The following PCDHA8 variants were observed in gnomAD, a reference collection of about 807,000 sequenced individuals.
PCDHA8 encodes the protein protocadherin alpha-8.
Under a neutral mutation model 61.8 loss-of-function variants are expected in PCDHA8, and 53 were observed. The observed-to-expected ratio is 0.86, with a 90% CI of 0.69 to 1.08. PCDHA8 has a LOEUF of 1.08. Among genes scored for constraint, PCDHA8 ranks in the 50% least tolerant of loss-of-function variants. PCDHA8 has a pLI of 0.00. For missense variants in PCDHA8, 1,293 were observed against 1,245.0 expected, an observed-to-expected ratio of 1.04 and a Z score of -0.58; for synonymous variants, 618 against 556.6, an observed-to-expected ratio of 1.11 and a Z score of -1.55.
At chr5:140,844,736 G>C (rs1001272539) in intron 1 of PCDHA8, among the ~76,000 whole-genome samples, 3 of 149,298 alleles carry the variant, frequency 2.0e-5, no homozygotes, top group Non-Finnish European at 4.5e-5. Context: ...AAAATATTTA[G>C]TATTATGGGA....
intron 1 of PCDHA8, chr5:140,926,672 C>T (rs2083457109): frequency 1.7e-6 from 1 of 583,596 alleles, no homozygotes; most frequent in Admixed American, 3.9e-5. Flanking sequence ...GACGGCTGCC[C>T]AGCCTCCAGC....
In PCDHA8 at chr5:140,869,280, G is replaced by A. The variant is rs1294171258; in HGVS notation, c.2394+25565G>A. 8 of 1,613,486 alleles carry A rather than the reference G, an allele frequency of 5.0e-6. No individual in the cohort carries two copies. In the African/African-American group the frequency reaches 8.0e-5, roughly 16 times the overall value. On this transcript the variant is annotated intron_variant, in intron 1 of 3. Transcript: ENST00000531613. ...ACCTGGGGCTGGAGCTGGCGGAGCT[G>A]GTGCAGCGCCTGTTCCGGGTGGCGT...
At chr5:140,883,758 G>C (rs781858673) in intron 1 of PCDHA8, 4 of 1,612,920 alleles carry the variant, frequency 2.5e-6, no homozygotes, top group Non-Finnish European at 3.4e-6. Context: ...CTGGTGGAGC[G>C]GCGGGTGGGC....
intron 1 of PCDHA8, among the ~76,000 whole-genome samples, chr5:140,973,346 T>C (rs1554235179): frequency 1.3e-5 from 2 of 152,198 alleles, no homozygotes; most frequent in Non-Finnish European, 2.9e-5. Flanking sequence ...AGTGACATAG[T>C]AGTGAATTTA....
chr5:140,967,111 T>G, intron 1 of PCDHA8: 1 of 1,612,990 alleles, frequency 6.2e-7, no homozygotes, highest in East Asian at 2.2e-5. Context: ...AGCAGCGGCC[T>G]CGCTGCCTGC....
At position 140,850,172 on chromosome 5, in the gene PCDHA8, C is replaced by G. The variant is rs756590916; in HGVS notation, c.2394+6457C>G. 10 of 1,594,266 alleles carry G rather than the reference C, an allele frequency of 6.3e-6. 1 individual carries two copies. The highest frequency in any genetic ancestry group is 1.3e-5 in the African/African-American group (1 of 74,338). On this transcript the variant is annotated intron_variant, in intron 1 of 3. Coordinates refer to ENST00000531613, the MANE Select transcript of PCDHA8 (RefSeq NM_018911.3). ...TGCAGGTGTTCGTGCTGGACGAGAA[C>G]GACAATGCGCCGGCGCTGCTGACAC... is the stretch of plus-strand genomic sequence containing the variant.
chr5:140,869,502 C>G (rs2051182557), intron 1 of PCDHA8: 1 of 1,614,090 alleles, frequency 6.2e-7, no homozygotes, highest in African/African-American at 1.3e-5. Context: ...CGCCGGTGTT[C>G]TCGCTCAGAG....
rs1554181708 is a variant in PCDHA8, at chr5:140,884,544, G to C, written c.2394+40829G>C. 1.9e-6 allele frequency: 3 copies of C among 1,614,222 alleles called. No individual in the cohort carries two copies. In the Admixed American group the frequency reaches 5.0e-5, roughly 27 times the overall value. On this transcript the variant is annotated intron_variant, in intron 1 of 3. Coordinates refer to ENST00000531613, the MANE Select transcript of PCDHA8 (RefSeq NM_018911.3). Reference sequence around the variant, plus strand: ...TCGCAGCAGAGGCGGCCGAGGGTGTGCTCTGGGGAGGGCCCGCATAAGACG... The same window carrying C: ...TCGCAGCAGAGGCGGCCGAGGGTGTCCTCTGGGGAGGGCCCGCATAAGACG...
intron 1 of PCDHA8, chr5:140,926,752 C>T (rs1176032200): frequency 8.0e-7 from 1 of 1,254,344 alleles, no homozygotes; most frequent in Admixed American, 3.6e-5. Context: ...CGTCGGCGGT[C>T]GCTGAGTATC....
chr5:140,906,661 A>C (rs1237437986), intron 1 of PCDHA8, among the ~76,000 whole-genome samples: 1 of 152,176 alleles, frequency 6.6e-6, no homozygotes, highest in African/African-American at 2.4e-5. Flanking sequence ...TTCCTGGTGT[A>C]GTGACCCAAA....
chr5:140,857,788 G>GCTGC, intron 1 of PCDHA8: 1 of 1,597,732 alleles, frequency 6.3e-7, no homozygotes, highest in South Asian at 1.1e-5. Flanking sequence ...GTGAGCTGGT[G>GCTGC]CTGCGGTCGG....
chr5:140,984,982 G>A lies in PCDHA8; in HGVS notation c.2542+2419G>A, dbSNP rs544151858. On this transcript the variant is annotated intron_variant, in intron 3 of 3. Coordinates refer to ENST00000531613, the MANE Select transcript of PCDHA8 (RefSeq NM_018911.3). ...AGACAGAGTCTCGCTCTGTCCCCCA[G>A]GCTGGAGTCCAGTGGCACGATATCG... Among the ~76,000 whole-genome samples the A allele has an allele frequency of 1.1e-3, 174 of 152,116 alleles. 2 individuals are homozygous for A. In the South Asian group the frequency reaches 0.016, roughly 14 times the overall value.
At chr5:140,968,529 C>T in intron 1 of PCDHA8, 1 of 1,614,206 alleles carries the variant, frequency 6.2e-7, no homozygotes, top group Non-Finnish European at 8.5e-7. Flanking sequence ...ACCAACTCGT[C>T]AGCAGCCTTC....
At chr5:140,927,494 T>C (rs1235909927) in intron 1 of PCDHA8, 5 of 1,614,018 alleles carry the variant, frequency 3.1e-6, no homozygotes, top group Non-Finnish European at 4.2e-6. Context: ...ACCCACCTGC[T>C]GGTGCTTACA....
Position 140,943,173 on chromosome 5 carries a change from G to A in PCDHA8, c.2395-35776G>A, listed in dbSNP as rs143950290. On this transcript the variant is annotated intron_variant, in intron 1 of 3. Coordinates refer to ENST00000531613, the MANE Select transcript of PCDHA8 (RefSeq NM_018911.3). ...CTCTGGAGGCTGAGGCAGGAAAATC[G>A]CTTGAACCCTGGAGGTGGAGGCTGC... is the stretch of plus-strand genomic sequence containing the variant. Among the ~76,000 whole-genome samples the A allele has an allele frequency of 5.6e-3, 834 of 148,712 alleles. 7 individuals are homozygous for A. Among genetic ancestry groups the A allele is most frequent in the African/African-American group, 0.019 (751 of 40,052 alleles).
intron 1 of PCDHA8, chr5:140,857,965 T>C: frequency 6.3e-7 from 1 of 1,597,084 alleles, no homozygotes; most frequent in Non-Finnish European, 8.6e-7. Context: ...TGGATGAGAC[T>C]GACTCGCCAC....
chr5:140,874,685 T>C (rs1212570606), intron 1 of PCDHA8, among the ~76,000 whole-genome samples: 1 of 152,234 alleles, frequency 6.6e-6, no homozygotes, highest in Non-Finnish European at 1.5e-5. Flanking sequence ...AGATTTGTTT[T>C]AACATGTTAT....
At chr5:140,900,498 A>G (rs1554189212) in intron 1 of PCDHA8, among the ~76,000 whole-genome samples, 1 of 152,172 alleles carries the variant, frequency 6.6e-6, no homozygotes, top group Non-Finnish European at 1.5e-5. Context: ...ACTGGTCTCA[A>G]ATTCCCAGCC....
At position 140,849,456 on chromosome 5, in the gene PCDHA8, G is replaced by A. The variant is rs148680565; in HGVS notation, c.2394+5741G>A. On this transcript the variant is annotated intron_variant, in intron 1 of 3. Transcript: ENST00000531613. ...AAGTAGAGCACACAAGATCCCAGTC[G>A]AGGCTGTCGATAAAGGCTTCCCACC... The A allele has an allele frequency of 1.5e-5, 24 of 1,587,206 alleles. 3 individuals carry two copies. Among genetic ancestry groups the A allele is most frequent in the Non-Finnish European group, 1.8e-5 (21 of 1,161,294 alleles).
Sources: allele counts gnomAD v4.1 joint callset (sites outside exome capture counted in the v4.1 genomes callset), GRCh38; gene constraint gnomAD v4.1.1; transcripts MANE v1.5; gene names NCBI Gene and HGNC (gene_info 2026-07-23, HGNC 2026-07-21).